Variants in NRXN1 observed in about 807,000 individuals in gnomAD.
NRXN1 encodes the protein neurexin-1.
In NRXN1, 39 loss-of-function variants were observed where a neutral mutation model predicts 150.9. The ratio of observed to expected loss-of-function variants is 0.26; its 90% CI spans 0.20 to 0.34. The LOEUF (loss-of-function observed/expected upper bound fraction) is 0.34. NRXN1 is among the 10% of genes least tolerant of loss of function. The pLI, the probability that NRXN1 is intolerant of heterozygous loss-of-function variation, is 1.00. For missense variants in NRXN1, 1,815 were observed against 1,949.9 expected, an observed-to-expected ratio of 0.93 and a Z score of 1.30; for synonymous variants, 924 against 757.0, an observed-to-expected ratio of 1.22 and a Z score of -3.62.
chr2:50,526,374 T>C (rs1378931433), intron 12 of NRXN1, among the ~76,000 whole-genome samples: 1 of 152,196 alleles, frequency 6.6e-6, no homozygotes, highest in East Asian at 1.9e-4. Flanking sequence ...GATAATGGTG[T>C]TATCGGCTGT....
At chr2:50,843,564 C>CTTCAT (rs1195650246) in intron 5 of NRXN1, among the ~76,000 whole-genome samples, 59 of 152,324 alleles carry the variant, frequency 3.9e-4, no homozygotes, top group African/African-American at 1.3e-3. Flanking sequence ...TTTCATTTCA[C>CTTCAT]TTCATTTCAT....
intron 17 of NRXN1, 101 bp from the exon 18 acceptor site, chr2:50,237,071 A>C: frequency 8.8e-7 from 1 of 1,133,476 alleles, no homozygotes. Context: ...AACTCTACAC[A>C]CAAAACTATG....
At chr2:50,688,667 T>A (rs1054644410) in intron 5 of NRXN1, among the ~76,000 whole-genome samples, 1 of 151,964 alleles carries the variant, frequency 6.6e-6, no homozygotes, top group Non-Finnish European at 1.5e-5. Flanking sequence ...GGGACTTTCT[T>A]TTCAGTATGA....
intron 17 of NRXN1, among the ~76,000 whole-genome samples, chr2:50,391,750 C>G (rs1164776158): frequency 6.6e-6 from 1 of 152,070 alleles, no homozygotes; most frequent in Non-Finnish European, 1.5e-5. Context: ...CTAATTTACA[C>G]AGAAGAATAA....
chr2:50,590,233 C>A (rs1673921717), intron 8 of NRXN1, among the ~76,000 whole-genome samples: 1 of 152,108 alleles, frequency 6.6e-6, no homozygotes, highest in African/African-American at 2.4e-5. Flanking sequence ...GAGATTTTAT[C>A]AAGATTGTAT....
At chr2:50,580,524 G>T (rs1189452787) in intron 8 of NRXN1, among the ~76,000 whole-genome samples, 1 of 152,180 alleles carries the variant, frequency 6.6e-6, no homozygotes, top group East Asian at 1.9e-4. Flanking sequence ...AAATAAAACT[G>T]AGTGGGACAG....
Position 50,933,653 on chromosome 2 carries a change from G to C in NRXN1, c.773-7698C>G, listed in dbSNP as rs192578745. On this transcript the variant is annotated intron_variant, in intron 2 of 22. Transcript: ENST00000401669. ...CTAAACCCATATGAATATTGGTCAT[G>C]TGGAAGAGAGAGCCATGATCTTGAT... Among the ~76,000 whole-genome samples, 43 of 152,230 alleles carry C rather than the reference G, an allele frequency of 2.8e-4. 1 individual carries two copies. The highest frequency in any genetic ancestry group is 1.0e-3 in the African/African-American group (42 of 41,570).
intron 17 of NRXN1, among the ~76,000 whole-genome samples, chr2:50,444,412 C>A (rs1215731693): frequency 1.3e-5 from 2 of 152,112 alleles, no homozygotes; most frequent in Non-Finnish European, 2.9e-5. Flanking sequence ...ACCCACAGAA[C>A]CCATAATGGC....
At chr2:50,711,944 G>A (rs192567937) in intron 5 of NRXN1, among the ~76,000 whole-genome samples, 12 of 152,148 alleles carry the variant, frequency 7.9e-5, no homozygotes, top group African/African-American at 2.9e-4. Context: ...GATCTTGGAC[G>A]TGCCAGTCCC....
At chr2:50,070,720 A>T (rs1380377726) in intron 19 of NRXN1, among the ~76,000 whole-genome samples, 1 of 147,276 alleles carries the variant, frequency 6.8e-6, no homozygotes, top group Non-Finnish European at 1.5e-5. Flanking sequence ...CAGTGAGCCG[A>T]GATCCCGCCA....
intron 17 of NRXN1, among the ~76,000 whole-genome samples, chr2:50,370,195 G>T (rs1158740869): frequency 2.0e-5 from 3 of 152,028 alleles, no homozygotes; most frequent in Admixed American, 6.6e-5. Context: ...ATACATTAGG[G>T]CAGGGTACAT....
chr2:50,603,938 C>T (rs1676684711), intron 8 of NRXN1, among the ~76,000 whole-genome samples: 1 of 152,170 alleles, frequency 6.6e-6, no homozygotes, highest in Non-Finnish European at 1.5e-5. Context: ...CTCCCCACTC[C>T]TTTTCACTTT....
intron 5 of NRXN1, among the ~76,000 whole-genome samples, chr2:50,762,225 T>C (rs1270235231): frequency 7.9e-5 from 12 of 151,830 alleles, no homozygotes; most frequent in Admixed American, 6.6e-4. Context: ...CTACACAGCC[T>C]TGAACTTCTG....
At chr2:50,511,269 G>A (rs1394704403) in intron 12 of NRXN1, among the ~76,000 whole-genome samples, 1 of 152,084 alleles carries the variant, frequency 6.6e-6, no homozygotes, top group Admixed American at 6.5e-5. Context: ...CATGTTCGAG[G>A]CCAGTCTGGT....
At chr2:50,975,910 T>C (rs918138823) in intron 2 of NRXN1, among the ~76,000 whole-genome samples, 2 of 152,056 alleles carry the variant, frequency 1.3e-5, no homozygotes, top group African/African-American at 4.8e-5. Flanking sequence ...TTCTCTAAGA[T>C]TGCTCACTGT....
chr2:50,487,721 T>G (rs558129696), intron 15 of NRXN1, among the ~76,000 whole-genome samples: 2 of 152,276 alleles, frequency 1.3e-5, no homozygotes, highest in East Asian at 3.9e-4. Context: ...TCCAACTAGA[T>G]GAGACAATTG....
intron 5 of NRXN1, among the ~76,000 whole-genome samples, chr2:50,876,923 T>A (rs992210755): frequency 2.0e-5 from 3 of 151,864 alleles, no homozygotes; most frequent in Non-Finnish European, 4.4e-5. Context: ...CCAAAGGAAA[T>A]CTGTTTGCTT....
rs144520567 is a variant in NRXN1, at chr2:50,610,858, T to C, written c.1320+9164A>G. ...TCCACGCTGGAGTGTAATTGCACGA[T>C]TTCGGCTCACTGCAACCTCTGCCTC... On this transcript the variant is annotated intron_variant, in intron 8 of 22. Coordinates refer to ENST00000401669, the MANE Select transcript of NRXN1 (RefSeq NM_001330078.2). Among the ~76,000 whole-genome samples, 63 of 149,104 alleles carry C rather than the reference T, an allele frequency of 4.2e-4. 1 individual carries two copies. The highest frequency in any genetic ancestry group is 1.5e-3 in the African/African-American group (61 of 40,414).
intron 18 of NRXN1, among the ~76,000 whole-genome samples, chr2:50,140,920 A>G (rs1254612979): frequency 6.6e-6 from 1 of 152,032 alleles, no homozygotes; most frequent in African/African-American, 2.4e-5. Context: ...ATATATATAT[A>G]AAACAACTAC....
Sources: gnomAD v4.1 joint callset for allele counts (sites outside exome capture counted in the v4.1 genomes callset) on GRCh38, gnomAD v4.1.1 for gene constraint, MANE v1.5 for transcripts, NCBI Gene and HGNC (gene_info 2026-07-23, HGNC 2026-07-21) for gene names.